Variants in RICTOR observed in about 807,000 individuals in gnomAD.
RICTOR encodes the protein RPTOR independent companion of MTOR complex 2.
Under a neutral mutation model 214.9 loss-of-function variants are expected in RICTOR, and 49 were observed. That is an observed-to-expected ratio of 0.23 (90% CI 0.18 to 0.29). The LOEUF is 0.29. Ranked by LOEUF, RICTOR falls within the 10% of genes least tolerant of loss-of-function variation. The probability of loss-of-function intolerance (pLI) is 1.00; values close to 1 mark genes in which losing one functional copy is unlikely to be tolerated. For synonymous variants in RICTOR, 717 were observed against 711.3 expected (o/e 1.01, Z -0.13); for missense variants, 1,625 against 2,047.0 (o/e 0.79, Z 3.98).
At chr5:38,989,683 G>C (rs1752439990) in intron 7 of RICTOR, among the ~76,000 whole-genome samples, 1 of 152,042 alleles carries the variant, frequency 6.6e-6, no homozygotes, top group South Asian at 2.1e-4. Flanking sequence ...TCAAAAAGTG[G>C]GCAAAGGATA....
intron 3 of RICTOR, among the ~76,000 whole-genome samples, chr5:39,008,478 C>G (rs1754240818): frequency 6.6e-6 from 1 of 152,004 alleles, no homozygotes; most frequent in African/African-American, 2.4e-5. Flanking sequence ...TCAGATCAAA[C>G]CAGTTTGACG....
chr5:38,968,702 C>T (rs1317424160), intron 11 of RICTOR, among the ~76,000 whole-genome samples: 2 of 150,500 alleles, frequency 1.3e-5, no homozygotes, highest in African/African-American at 2.4e-5. Context: ...CATTCCACTG[C>T]ACTCTAGCCT....
At chr5:39,070,489 A>G (rs922080432) in intron 2 of RICTOR, among the ~76,000 whole-genome samples, 1 of 152,220 alleles carries the variant, frequency 6.6e-6, no homozygotes, top group Non-Finnish European at 1.5e-5. Flanking sequence ...TAAAAAAAAA[A>G]AAAGTTAGAG....
chr5:38,959,217 T>C lies in RICTOR; in HGVS notation c.2156A>G (p.Lys719Arg), dbSNP rs377224829. ...CACATCAGTAGCTGCAGTTAAAATT[T>C]TGGAAAGGATGACTCTAGCCAATCC... ...RDGLARVILS[K>R]ILTAATDACR... Residue 719 changes from lysine to arginine, a missense_variant, in exon 22 of 38, where the codon AAA (lysine) becomes AGA (arginine). Physicochemically the swap from Lys to Arg is conservative, Grantham distance 26. Transcript: ENST00000357387. The C allele has an allele frequency of 5.1e-5, 82 of 1,596,186 alleles. No homozygotes were observed. The highest frequency in any genetic ancestry group is 6.9e-5 in the Non-Finnish European group (81 of 1,171,766).
Position 38,971,935 on chromosome 5 carries a change from C to T in RICTOR, c.914G>A (p.Gly305Glu). ...TATTAGAGACTGGATCCCAGAATTT[C>T]CAGGTTTACATAAATTAATAATACC... is the stretch of plus-strand genomic sequence containing the variant. ...WAGIINLCKP[G>E]NSGIQSLIGV... The change falls in exon 11 of 38, where the codon GGA (glycine) becomes GAA (glutamate). Residue 305 changes from glycine (G) to glutamate (E), a missense_variant. By Grantham distance (98) the Gly-to-Glu change is moderately conservative. This residue lies in a region of RICTOR where 258 missense variants were observed against 393.7 expected (regional missense o/e 0.66). Coordinates refer to ENST00000357387, the MANE Select transcript of RICTOR (RefSeq NM_152756.5). The T allele has an allele frequency of 6.8e-7, 1 of 1,469,914 alleles. No individual in the cohort carries two copies. Among genetic ancestry groups the T allele is most frequent in the Non-Finnish European group, 9.5e-7 (1 of 1,054,122 alleles). The allele number at this position is 1,469,914 out of a possible 1,614,324, so 91.1% of individuals were successfully genotyped here.
chr5:38,950,168 CTTG>C lies in RICTOR; in HGVS notation c.3677_3679del (p.Thr1226del). The stretch of plus-strand genomic sequence containing the variant: ...ACTTGAGCTCATTGAACTTATGCCA[CTTG>C]TTGTAGTGTCTGTATTGAAACTTTG... On this transcript the variant is annotated inframe_deletion, in exon 31 of 38. Coordinates refer to ENST00000357387, the MANE Select transcript of RICTOR (RefSeq NM_152756.5). The C allele has an allele frequency of 6.2e-7, 1 of 1,613,524 alleles. No homozygotes were observed. Among genetic ancestry groups the C allele is most frequent in the Non-Finnish European group, 8.5e-7 (1 of 1,179,662 alleles).
At chr5:38,950,958 T>C (rs1266042422) in intron 30 of RICTOR, among the ~76,000 whole-genome samples, 1 of 151,890 alleles carries the variant, frequency 6.6e-6, no homozygotes, top group Non-Finnish European at 1.5e-5. Context: ...CAAAGAAAAA[T>C]TATTATAAGA....
rs34660388 is a variant in RICTOR, at chr5:39,055,417, TC to T, written c.97+18693del. Among the ~76,000 whole-genome samples, 890 of 109,500 alleles carry T rather than the reference TC, an allele frequency of 8.1e-3. 26 individuals carry two copies. Among genetic ancestry groups the T allele is most frequent in the African/African-American group, 0.031 (808 of 26,064 alleles). 71.8% of individuals were successfully genotyped at this position (109,500 alleles called of 152,430 possible). On this transcript the variant is annotated intron_variant, in intron 2 of 37. Coordinates refer to ENST00000357387, the MANE Select transcript of RICTOR (RefSeq NM_152756.5). ...CTTAAGAGAAGCTTTCTCTGACAATTCCCCCCCCCCACTCTTTTTCACATAC... is the reference window on the plus strand; with the variant it reads ...CTTAAGAGAAGCTTTCTCTGACAATTCCCCCCCCCACTCTTTTTCACATAC...
intron 2 of RICTOR, among the ~76,000 whole-genome samples, chr5:39,030,596 AG>A (rs921787868): frequency 6.6e-6 from 1 of 152,184 alleles, no homozygotes; most frequent in African/African-American, 2.4e-5. Context: ...GTAAAAAAAC[AG>A]GTGAACAGTT....
chr5:39,017,561 C>G (rs979196099), intron 3 of RICTOR, among the ~76,000 whole-genome samples: 1 of 151,928 alleles, frequency 6.6e-6, no homozygotes, highest in Admixed American at 6.6e-5. Flanking sequence ...AAAAAACTTT[C>G]TCATCCCTCA....
In RICTOR at chr5:38,982,038, TA is replaced by T; in HGVS notation, c.584-3del. ...CCACCACCTCTGGATTCTGAAGTGC[TA>T]AAAGAGAAAAACTTAACATATTATA... On this transcript the variant is annotated splice_region_variant and splice_polypyrimidine_tract_variant and intron_variant, in intron 7 of 37. Coordinates refer to ENST00000357387, the MANE Select transcript of RICTOR (RefSeq NM_152756.5). The T allele has an allele frequency of 1.2e-6, 2 of 1,601,012 alleles. No homozygotes were observed. Among genetic ancestry groups the T allele is most frequent in the East Asian group, 2.2e-5 (1 of 44,692 alleles).
Position 38,950,659 on chromosome 5 carries a change from A to G in RICTOR, c.3189T>C (p.Asp1063=), listed in dbSNP as rs150422546. 1.3e-4 allele frequency: 209 copies of G among 1,611,932 alleles called. 1 individual carries two copies. The African/African-American group carries it at 2.4e-3, about 18-fold the overall frequency. The change falls in exon 31 of 38, where the codon GAT becomes GAC. Residue 1063 remains aspartate (D), a synonymous_variant. Coordinates refer to ENST00000357387, the MANE Select transcript of RICTOR (RefSeq NM_152756.5). Reference sequence around the variant, plus strand: ...ATGTTGGCTCTGTATCTTCATTGATATCAAGGAAAAATGTGCTAGTAGAGC... The same window carrying G: ...ATGTTGGCTCTGTATCTTCATTGATGTCAAGGAAAAATGTGCTAGTAGAGC... ...GSSSTSTFFL[D]INEDTEPTFY...
intron 2 of RICTOR, among the ~76,000 whole-genome samples, chr5:39,053,813 A>G (rs1361942968): frequency 6.9e-6 from 1 of 144,462 alleles, no homozygotes; most frequent in Non-Finnish European, 1.5e-5. Flanking sequence ...AATGGCGTGA[A>G]CCCCAGGGGG....
intron 3 of RICTOR, among the ~76,000 whole-genome samples, chr5:39,015,021 G>A (rs1754837936): frequency 6.6e-6 from 1 of 152,150 alleles, no homozygotes; most frequent in Non-Finnish European, 1.5e-5. Context: ...ACGCTTTTGA[G>A]TAGAGAGGGA....
At chr5:39,070,312 A>T (rs999231689) in intron 2 of RICTOR, among the ~76,000 whole-genome samples, 8 of 151,868 alleles carry the variant, frequency 5.3e-5, no homozygotes, top group Non-Finnish European at 8.8e-5. Flanking sequence ...AAAAAAAAAT[A>T]CAAAAAATTA....
chr5:39,061,067 C>G (rs1176643045), intron 2 of RICTOR, among the ~76,000 whole-genome samples: 1 of 152,016 alleles, frequency 6.6e-6, no homozygotes, highest in African/African-American at 2.4e-5. Context: ...ATGGCAGCTG[C>G]TGCTACTATT....
chr5:39,074,311 G>A lies in RICTOR; in HGVS notation c.49+18C>T. 6.4e-7 allele frequency: 1 copy of A among 1,550,560 alleles called. No individual in the cohort carries two copies. The highest frequency in any genetic ancestry group is 8.7e-7 in the Non-Finnish European group (1 of 1,147,582). Reference sequence around the variant, plus strand: ...GCGGGCGCCGGGCGGTGGGGAGTGAGGGTTGCAGCGGGCTTACCTCGTACT... The same window carrying A: ...GCGGGCGCCGGGCGGTGGGGAGTGAAGGTTGCAGCGGGCTTACCTCGTACT... On this transcript the variant is annotated intron_variant, in intron 1 of 37. Transcript: ENST00000357387.
chr5:39,054,104 TA>T (rs1378709670), intron 2 of RICTOR, among the ~76,000 whole-genome samples: 5 of 151,798 alleles, frequency 3.3e-5, no homozygotes, highest in Non-Finnish European at 7.4e-5. Context: ...AAGAATAGGT[TA>T]AAAAAAGGTT....
At chr5:38,980,097 AT>A in intron 8 of RICTOR, among the ~76,000 whole-genome samples, 1 of 152,010 alleles carries the variant, frequency 6.6e-6, no homozygotes, top group African/African-American at 2.4e-5. Flanking sequence ...TTTCCATTTG[AT>A]TTTTTTCACA....
Sources: gnomAD v4.1 joint callset for allele counts (sites outside exome capture counted in the v4.1 genomes callset) on GRCh38, gnomAD v4.1.1 for gene constraint, gnomAD v4.1.1 regional missense constraint, MANE v1.5 for transcripts, NCBI Gene and HGNC (gene_info 2026-07-23, HGNC 2026-07-21) for gene names.